Variants in RGS12 observed in about 807,000 individuals in gnomAD.
RGS12 encodes the protein regulator of G protein signaling 12, also known as regulator of G-protein signaling 12.
RGS12 carries 66 observed loss-of-function variants against 120.1 expected under a neutral mutation model. The observed-to-expected ratio is 0.55, with a 90% CI of 0.45 to 0.67. The LOEUF is 0.67. Ranked by LOEUF, RGS12 falls within the 30% of genes least tolerant of loss-of-function variation. The pLI is 0.00. For missense variants in RGS12, 1,859 were observed against 1,957.7 expected (o/e 0.95, Z 0.95); for synonymous variants, 827 against 804.7 (o/e 1.03, Z -0.47).
intron 2 of RGS12, among the ~76,000 whole-genome samples, chr4:3,327,772 T>C (rs934836556): frequency 6.6e-6 from 1 of 152,210 alleles, no homozygotes; most frequent in African/African-American, 2.4e-5. Context: ...AGGGAACTCT[T>C]ATACACTGTA....
At position 3,428,134 on chromosome 4, in the gene RGS12, G is replaced by C. The variant is rs1723861454; in HGVS notation, c.3376G>C (p.Ala1126Pro). The change falls in exon 15 of 18, where the codon GCT becomes CCT. Residue 1126 changes from alanine (A) to proline (P), a missense_variant. Around this residue, in one of 3 missense-constraint regions of RGS12, gnomAD observed 517 missense variants for 488.5 expected, o/e 1.06. Coordinates refer to ENST00000336727, the MANE Select transcript of RGS12 (RefSeq NM_001394154.1). Reference sequence around the variant, plus strand: ...AGGTGTGCCAGTGAAACAGAACACAGCTGTAAATTCCAGCTCCAGAAACCA... The same window carrying C: ...AGGTGTGCCAGTGAAACAGAACACACCTGTAAATTCCAGCTCCAGAAACCA... ...QKGVPVKQNT[A>P]VNSSSRNHSA... is the part of the protein sequence containing the mutation. 4 of 1,613,718 alleles carry C rather than the reference G, an allele frequency of 2.5e-6. No individual in the cohort carries two copies. Among genetic ancestry groups the C allele is most frequent in the Non-Finnish European group, 2.5e-6 (3 of 1,179,826 alleles).
intron 17 of RGS12, among the ~76,000 whole-genome samples, chr4:3,432,702 G>A (rs1411652474): frequency 6.6e-6 from 1 of 152,250 alleles, no homozygotes; most frequent in Non-Finnish European, 1.5e-5. Flanking sequence ...GTCCCCCTGC[G>A]CTCTGGTGGC....
the RGS12 span, among the ~76,000 whole-genome samples, chr4:3,286,264 G>A: frequency 2.8e-4 from 43 of 152,300 alleles, no homozygotes; most frequent in South Asian, 3.3e-3. Context: ...GCCCCAGGCC[G>A]CGTGTGGTTT....
chr4:3,328,904 G>C (rs1037854924), intron 2 of RGS12, among the ~76,000 whole-genome samples: 3 of 152,170 alleles, frequency 2.0e-5, no homozygotes, highest in Non-Finnish European at 4.4e-5. Flanking sequence ...TGTGAGCAGA[G>C]TGGCCATCTG....
rs955723871 is a variant in RGS12 at position 3,420,741 on chromosome 4, C to T, written c.2838+23C>T. ...CTGGTGAGTCACTGTCTCCCCTCGT[C>T]CCACAGGCCTCAGGGGTGTCCCCAC... On this transcript the variant is annotated intron_variant, in intron 10 of 17. Transcript: ENST00000336727. The T allele has an allele frequency of 3.1e-6, 5 of 1,598,264 alleles. No homozygotes were observed. The African/African-American group carries it at 4.0e-5, about 13-fold the overall frequency.
rs1196027157 is a variant in RGS12, at chr4:3,365,277, G to A, written c.1999-21139G>A. 1.3e-5 allele frequency among the ~76,000 whole-genome samples: 2 copies of A among 152,168 alleles called. No homozygotes were observed. Among genetic ancestry groups the A allele is most frequent in the African/African-American group, 4.8e-5 (2 of 41,434 alleles). On this transcript the variant is annotated intron_variant, in intron 3 of 17. Coordinates refer to ENST00000336727, the MANE Select transcript of RGS12 (RefSeq NM_001394154.1). The surrounding 1 kb of genome is among the most constrained non-coding windows in gnomAD (Gnocchi z 4.0). ...CCGTCTGCTGTTTTCATGCTACAGC[G>A]GCAGAGTGGGGTCGAGTGCGTGGTG...
chr4:3,422,680 C>T, intron 11 of RGS12, 110 bp downstream of exon 11: 1 of 1,258,104 alleles, frequency 7.9e-7, no homozygotes, highest in Non-Finnish European at 1.1e-6. Context: ...CTCCTCATTT[C>T]AACAGCGCCT....
intron 2 of RGS12, among the ~76,000 whole-genome samples, chr4:3,325,178 G>C (rs1380536510): frequency 6.6e-6 from 1 of 152,198 alleles, no homozygotes; most frequent in Non-Finnish European, 1.5e-5. Flanking sequence ...TGCTTGGAGG[G>C]TAAAGGATAG....
In RGS12 at chr4:3,422,889, T is replaced by A; in HGVS notation, c.3034-16T>A. The A allele has an allele frequency of 6.2e-7, 1 of 1,611,610 alleles. No homozygotes were observed. Among genetic ancestry groups the A allele is most frequent in the East Asian group, 2.2e-5 (1 of 44,802 alleles). ...CCTGCTGTGCCCACGTTGATTCTGG[T>A]CTCTCTGTTCCTCAGCCTCTGGTGC... On this transcript the variant is annotated splice_polypyrimidine_tract_variant and intron_variant, in intron 11 of 17. Transcript: ENST00000336727.
At chr4:3,286,119 G>T in the RGS12 span, among the ~76,000 whole-genome samples, 3 of 152,242 alleles carry the variant, frequency 2.0e-5, no homozygotes, top group Non-Finnish European at 4.4e-5. Flanking sequence ...TGTCCTTCTG[G>T]TTATTCGTGA....
At chr4:3,427,605 A>G (rs1480069196) in intron 14 of RGS12, among the ~76,000 whole-genome samples, 1 of 152,168 alleles carries the variant, frequency 6.6e-6, no homozygotes, top group African/African-American at 2.4e-5. Flanking sequence ...GTGTGGTGGC[A>G]CATGCCTGTA....
intron 3 of RGS12, among the ~76,000 whole-genome samples, chr4:3,351,177 A>C (rs1033755055): frequency 6.6e-6 from 1 of 152,112 alleles, no homozygotes; most frequent in Non-Finnish European, 1.5e-5. Context: ...TCAAATGTTT[A>C]CATTTTAGCT....
intron 3 of RGS12, among the ~76,000 whole-genome samples, chr4:3,346,978 AAG>A (rs1713854533): frequency 6.7e-6 from 1 of 148,594 alleles, no homozygotes; most frequent in South Asian, 2.2e-4. Context: ...TCCTGCTACA[AAG>A]AGGGAACAGA....
intron 17 of RGS12, among the ~76,000 whole-genome samples, chr4:3,438,090 C>T (rs144191957): frequency 2.6e-5 from 4 of 152,176 alleles, no homozygotes; most frequent in East Asian, 3.9e-4. Flanking sequence ...TGGAGGGCAG[C>T]AGTTGGTAGC....
intron 3 of RGS12, among the ~76,000 whole-genome samples, chr4:3,358,589 T>G (rs966562812): frequency 6.6e-6 from 1 of 152,152 alleles, no homozygotes; most frequent in Non-Finnish European, 1.5e-5. Flanking sequence ...GTTAATGATG[T>G]GATTTTCCCT....
rs1356904680 is a variant in RGS12 at position 3,439,534 on chromosome 4, G to C, written c.4194G>C (p.Gly1398=). The C allele has an allele frequency of 1.2e-6, 2 of 1,612,600 alleles. No individual in the cohort carries two copies. Among genetic ancestry groups the C allele is most frequent in the East Asian group, 2.2e-5 (1 of 44,880 alleles). Residue 1398 remains glycine, a synonymous_variant, in exon 18 of 18, where the codon GGG becomes GGC. Coordinates refer to ENST00000336727, the MANE Select transcript of RGS12 (RefSeq NM_001394154.1). ...DVDLVTGSAP[G]RDGGIAGAQA... Reference sequence around the variant, plus strand: ...ATCTTGTAACTGGCTCGGCGCCCGGGCGGGATGGTGGCATAGCGGGGGCAC... The same window carrying C: ...ATCTTGTAACTGGCTCGGCGCCCGGCCGGGATGGTGGCATAGCGGGGGCAC...
intron 3 of RGS12, among the ~76,000 whole-genome samples, chr4:3,355,600 G>C (rs1714798519): frequency 6.6e-6 from 1 of 151,800 alleles, no homozygotes; most frequent in South Asian, 2.1e-4. Context: ...TTTGAGACCA[G>C]CCTGGACAAC....
At chr4:3,436,631 ACT>A (rs1333152022) in intron 17 of RGS12, among the ~76,000 whole-genome samples, 6 of 152,058 alleles carry the variant, frequency 3.9e-5, no homozygotes, top group African/African-American at 1.4e-4. Context: ...AGGGTTCCTG[ACT>A]CAGCTTTGAG....
intron 3 of RGS12, among the ~76,000 whole-genome samples, chr4:3,379,563 G>C (rs1054429888): frequency 6.6e-6 from 1 of 152,094 alleles, no homozygotes; most frequent in Non-Finnish European, 1.5e-5. Flanking sequence ...CTTGAGACTG[G>C]GTAATTTTTA....
Sources: gnomAD v4.1 joint callset for allele counts (sites outside exome capture counted in the v4.1 genomes callset) on GRCh38, gnomAD v4.1.1 for gene constraint, gnomAD v4.1.1 regional missense constraint, Gnocchi (gnomAD v3.1) non-coding constraint, MANE v1.5 for transcripts, NCBI Gene and HGNC (gene_info 2026-07-23, HGNC 2026-07-21) for gene names.